Variants in UBE2E2 observed in about 807,000 individuals in gnomAD.
UBE2E2 encodes ubiquitin conjugating enzyme E2 E2, also known as ubiquitin-conjugating enzyme E2 E2.
UBE2E2 carries 6 observed loss-of-function variants against 24.7 expected under a neutral mutation model. The observed-to-expected ratio is 0.24, with a 90% CI of 0.13 to 0.48. The LOEUF is 0.48. UBE2E2 is among the 20% of genes least tolerant of loss of function. The pLI is 0.99. For missense variants in UBE2E2, 169 were observed against 245.0 expected (o/e 0.69, Z 2.07); for synonymous variants, 104 against 83.6 (o/e 1.24, Z -1.33).
At chr3:23,205,066 T>A (rs575157633) in intron 1 of UBE2E2, among the ~76,000 whole-genome samples, 1 of 152,364 alleles carries the variant, frequency 6.6e-6, no homozygotes, top group Non-Finnish European at 1.5e-5. Flanking sequence ...TTTCCAGGAC[T>A]GTAATTACAA....
intron 3 of UBE2E2, among the ~76,000 whole-genome samples, chr3:23,256,997 C>A (rs929536665): frequency 1.3e-5 from 2 of 152,214 alleles, no homozygotes; most frequent in African/African-American, 4.8e-5. Context: ...GTCGTGTGAA[C>A]CACGAAGGAA....
chr3:23,498,081 T>A (rs1350304621), intron 3 of UBE2E2, among the ~76,000 whole-genome samples: 1 of 152,206 alleles, frequency 6.6e-6, no homozygotes, highest in South Asian at 2.1e-4. Flanking sequence ...CATTTATGTT[T>A]CCCTTTTTTT....
intron 3 of UBE2E2, among the ~76,000 whole-genome samples, chr3:23,270,319 C>A (rs17402608): frequency 6.6e-6 from 1 of 152,060 alleles, no homozygotes; most frequent in Non-Finnish European, 1.5e-5. Flanking sequence ...CCTTTGGGTG[C>A]CATGCATGTG....
intron 3 of UBE2E2, among the ~76,000 whole-genome samples, chr3:23,356,259 A>G (rs1409742171): frequency 6.6e-6 from 1 of 152,224 alleles, no homozygotes; most frequent in East Asian, 1.9e-4. Flanking sequence ...TCAAGAGTTT[A>G]AGCCAGACAG....
chr3:23,454,500 C>T (rs565576774), intron 3 of UBE2E2, among the ~76,000 whole-genome samples: 1 of 152,238 alleles, frequency 6.6e-6, no homozygotes, highest in East Asian at 1.9e-4. Flanking sequence ...TCTTTAGTCT[C>T]ATAAAGAACT....
At chr3:23,464,454 A>T (rs1698880816) in intron 3 of UBE2E2, among the ~76,000 whole-genome samples, 1 of 152,170 alleles carries the variant, frequency 6.6e-6, no homozygotes, top group Admixed American at 6.5e-5. Flanking sequence ...AGGACCTTCC[A>T]AATACAGGAT....
intron 3 of UBE2E2, among the ~76,000 whole-genome samples, chr3:23,286,783 G>GT (rs1039329634): frequency 6.6e-5 from 10 of 151,808 alleles, no homozygotes; most frequent in Non-Finnish European, 1.3e-4. Context: ...AATCAATACT[G>GT]TTTTTTTGGT....
rs1183355336 is a variant in UBE2E2 at position 23,307,229 on chromosome 3, CTT to C, written c.227+89918_227+89919del. ...GTTGCAGTTTCATAGCTGTCAATGT[CTT>C]CTCTTTCTGAGGATATTAATTAATA... On this transcript the variant is annotated intron_variant, in intron 3 of 5. Transcript: ENST00000396703. Among the ~76,000 whole-genome samples the C allele has an allele frequency of 2.0e-5, 3 of 152,062 alleles. No individual in the cohort carries two copies. The East Asian group carries it at 5.8e-4, about 29-fold the overall frequency.
intron 5 of UBE2E2, among the ~76,000 whole-genome samples, chr3:23,575,591 A>G (rs1696329743): frequency 6.6e-6 from 1 of 152,188 alleles, no homozygotes; most frequent in Non-Finnish European, 1.5e-5. Flanking sequence ...AAATACAGGT[A>G]CAACGACAGA....
At chr3:23,304,724 A>G (rs1027380) in intron 3 of UBE2E2, among the ~76,000 whole-genome samples, 123,583 of 152,168 alleles carry the variant, frequency 0.81, 50,388 homozygotes, top group African/African-American at 0.89. Flanking sequence ...TAATTTCTGT[A>G]GGTTAATTGC....
intron 3 of UBE2E2, among the ~76,000 whole-genome samples, chr3:23,487,458 G>T (rs184783239): frequency 1.3e-5 from 2 of 152,306 alleles, no homozygotes; most frequent in Admixed American, 1.3e-4. Context: ...CAGCTTCACA[G>T]AGCATGCAGC....
chr3:23,492,701 T>C (rs1012740935), intron 3 of UBE2E2, among the ~76,000 whole-genome samples: 3 of 152,180 alleles, frequency 2.0e-5, no homozygotes, highest in Non-Finnish European at 4.4e-5. Context: ...CTTAACAATA[T>C]ACATAGCTTA....
At chr3:23,496,507 G>C (rs1699606226) in intron 3 of UBE2E2, among the ~76,000 whole-genome samples, 1 of 151,990 alleles carries the variant, frequency 6.6e-6, no homozygotes, top group African/African-American at 2.4e-5. Flanking sequence ...GTCCCTGTTT[G>C]CTTGTTTTTA....
chr3:23,214,416 A>G (rs924172899), intron 2 of UBE2E2, among the ~76,000 whole-genome samples: 7 of 151,760 alleles, frequency 4.6e-5, no homozygotes, highest in Non-Finnish European at 4.4e-5. Context: ...GCTATGACCA[A>G]CAGTTTCCTG....
At chr3:23,565,118 A>G (rs1330584478) in intron 5 of UBE2E2, among the ~76,000 whole-genome samples, 1 of 152,134 alleles carries the variant, frequency 6.6e-6, no homozygotes, top group Non-Finnish European at 1.5e-5. Flanking sequence ...ATTTTGTGTC[A>G]GTTTCATTTA....
chr3:23,227,744 G>C (rs1432498010), intron 3 of UBE2E2, among the ~76,000 whole-genome samples: 2 of 152,156 alleles, frequency 1.3e-5, no homozygotes, highest in Non-Finnish European at 2.9e-5. Flanking sequence ...CCTGCAGGTG[G>C]GATAGCTGCA....
At chr3:23,567,758 G>C (rs1293030654) in intron 5 of UBE2E2, among the ~76,000 whole-genome samples, 1 of 152,170 alleles carries the variant, frequency 6.6e-6, no homozygotes, top group African/African-American at 2.4e-5. Flanking sequence ...CCAATAGGTT[G>C]AACTGTACAT....
At chr3:23,487,232 G>A (rs750492167) in intron 3 of UBE2E2, among the ~76,000 whole-genome samples, 1 of 152,202 alleles carries the variant, frequency 6.6e-6, no homozygotes, top group Admixed American at 6.5e-5. Context: ...GCTCTGCACT[G>A]GAGCAGGTGC....
intron 3 of UBE2E2, among the ~76,000 whole-genome samples, chr3:23,294,355 A>G (rs1418264797): frequency 3.3e-5 from 5 of 152,098 alleles, no homozygotes; most frequent in Non-Finnish European, 7.4e-5. Context: ...ATATATGGTC[A>G]GTTAGTTTTA....
Sources: gnomAD v4.1 joint callset for allele counts (sites outside exome capture counted in the v4.1 genomes callset) on GRCh38, gnomAD v4.1.1 for gene constraint, MANE v1.5 for transcripts, NCBI Gene and HGNC (gene_info 2026-07-23, HGNC 2026-07-21) for gene names.